Variants in TUBGCP4 observed in about 807,000 individuals in gnomAD.
TUBGCP4 encodes gamma-tubulin complex component 4.
TUBGCP4 carries 54 observed loss-of-function variants against 91.6 expected under a neutral mutation model. The observed-to-expected ratio is 0.59, with a 90% CI of 0.47 to 0.74. The LOEUF (loss-of-function observed/expected upper bound fraction) is 0.74. Among genes scored for constraint, TUBGCP4 ranks in the 30% least tolerant of loss-of-function variants. The pLI is 0.00. For synonymous variants in TUBGCP4, 297 were observed against 302.8 expected (o/e 0.98, Z 0.20); for missense variants, 593 against 800.9 (o/e 0.74, Z 3.13).
rs950648169 is a variant in TUBGCP4 at position 43,409,333 on chromosome 15, A to C, written c.*4119A>C. On this transcript the variant is annotated 3_prime_UTR_variant, in exon 18 of 18. Transcript: ENST00000564079. Reference sequence around the variant, plus strand: ...GGACCTAAATCCTCAACGGACAACCAAAACCTATGAACTCAGCCTTTCAGG... The same window carrying C: ...GGACCTAAATCCTCAACGGACAACCCAAACCTATGAACTCAGCCTTTCAGG... 2 of 585,726 alleles carry C rather than the reference A, an allele frequency of 3.4e-6. No individual in the cohort carries two copies. The highest frequency in any genetic ancestry group is 6.1e-6 in the Non-Finnish European group (2 of 329,468). The allele number at this position is 585,726 out of a possible 1,614,324, so 36.3% of individuals were successfully genotyped here.
rs2044841150 is a variant in TUBGCP4, at chr15:43,405,560, T to C, written c.*346T>C. 1 of 269,950 alleles carries C rather than the reference T, an allele frequency of 3.7e-6. No homozygotes were observed. The highest frequency in any genetic ancestry group is 8.7e-5 in the South Asian group (1 of 11,464). The allele number at this position is 269,950 out of a possible 1,614,324, so 16.7% of individuals were successfully genotyped here. ...GAGATACAGCGGTAAACAAACAATA[T>C]AGAGCAGAAAGTTAAATATTTTATG... On this transcript the variant is annotated 3_prime_UTR_variant, in exon 18 of 18. Transcript: ENST00000564079.
chr15:43,377,611 C>CAAAAAAAAA (rs60932318), intron 4 of TUBGCP4: 11 of 259,550 alleles, frequency 4.2e-5, no homozygotes, highest in East Asian at 2.2e-4. Context: ...GACCCTGTCT[C>CAAAAAAAAA]AAAAAAAAAA....
chr15:43,391,736 TTTTTAA>T, intron 9 of TUBGCP4: 1 of 152,320 alleles, frequency 6.6e-6, no homozygotes, highest in Non-Finnish European at 1.5e-5. Flanking sequence ...GCTTTTTCTT[TTTTTAA>T]TTTTATTTTT....
chr15:43,401,113 C>T (rs766556445), intron 14 of TUBGCP4, among the ~76,000 whole-genome samples: 57 of 152,044 alleles, frequency 3.7e-4, no homozygotes, highest in Non-Finnish European at 7.4e-4. Context: ...CTGTAGGTGA[C>T]CAAGTCAGTC....
At chr15:43,378,125 A>G (rs1180429997) in intron 5 of TUBGCP4, among the ~76,000 whole-genome samples, 1 of 152,174 alleles carries the variant, frequency 6.6e-6, no homozygotes, top group African/African-American at 2.4e-5. Flanking sequence ...AAATGTTCAT[A>G]GATGTTCCCA....
chr15:43,395,158 G>A lies in TUBGCP4; in HGVS notation c.1065+1G>A. 6.2e-7 allele frequency: 1 copy of A among 1,613,942 alleles called. No homozygotes were observed. Reference sequence around the variant, plus strand: ...ATCCGATTTACTGGGTCAGCTGAAGGTAATGGCTTAGCTGTTGTAATTCTT... The same window carrying A: ...ATCCGATTTACTGGGTCAGCTGAAGATAATGGCTTAGCTGTTGTAATTCTT... On this transcript the variant is annotated splice_donor_variant, in intron 10 of 17. Coordinates refer to ENST00000564079, the MANE Select transcript of TUBGCP4 (RefSeq NM_014444.5). LOFTEE classifies it high-confidence loss of function.
At chr15:43,375,795 A>C (rs1190160196) in intron 1 of TUBGCP4, among the ~76,000 whole-genome samples, 1 of 152,202 alleles carries the variant, frequency 6.6e-6, no homozygotes, top group African/African-American at 2.4e-5. Flanking sequence ...CATCCCTAGA[A>C]GATTGCTTAA....
chr15:43,377,801 C>T (rs1318062903), intron 4 of TUBGCP4, 46 bp from the exon 5 acceptor site: 3 of 1,450,554 alleles, frequency 2.1e-6, no homozygotes, highest in Non-Finnish European at 1.9e-6. Context: ...ATTTTTTTTC[C>T]CTTACATTTG....
rs1383291293 is a variant in TUBGCP4 at position 43,406,863 on chromosome 15, G to T, written c.*1649G>T. 2 of 307,500 alleles carry T rather than the reference G, an allele frequency of 6.5e-6. No homozygotes were observed. The highest frequency in any genetic ancestry group is 1.3e-5 in the Non-Finnish European group (2 of 157,344). 19.0% of individuals were successfully genotyped at this position (307,500 alleles called of 1,614,324 possible). A position where few individuals can be genotyped will look rare whatever the true frequency, so the allele number is the denominator to read the frequency against. On this transcript the variant is annotated 3_prime_UTR_variant, in exon 18 of 18. Coordinates refer to ENST00000564079, the MANE Select transcript of TUBGCP4 (RefSeq NM_014444.5). ...TTTCGTTCTCCCTTTAGCTCTAAGA[G>T]TTGGGGAGTACCCACAGGTGAGCTG...
Position 43,408,812 on chromosome 15 carries a change from C to T in TUBGCP4, c.*3598C>T. 7.3e-7 allele frequency: 1 copy of T among 1,368,368 alleles called. No individual in the cohort carries two copies. The highest frequency in any genetic ancestry group is 1.0e-6 in the Non-Finnish European group (1 of 970,274). The allele number at this position is 1,368,368 out of a possible 1,614,324, so 84.8% of individuals were successfully genotyped here. A position where few individuals can be genotyped will look rare whatever the true frequency, so the allele number is the denominator to read the frequency against. ...CACAGACATTCCAATTTCTAGAAAGCTTTACTCTCTCACCTAGATTCTCTT... is the reference window on the plus strand; with the variant it reads ...CACAGACATTCCAATTTCTAGAAAGTTTTACTCTCTCACCTAGATTCTCTT... On this transcript the variant is annotated 3_prime_UTR_variant, in exon 18 of 18. Transcript: ENST00000564079.
In TUBGCP4 at chr15:43,385,823, A is replaced by C. The variant is rs780395127; in HGVS notation, c.756A>C (p.Pro252=). The change falls in exon 8 of 18, where the codon CCA becomes CCC. Residue 252 remains proline, a synonymous_variant. Coordinates refer to ENST00000564079, the MANE Select transcript of TUBGCP4 (RefSeq NM_014444.5). The stretch of plus-strand genomic sequence containing the variant: ...TTGAGGAAGAGAACATGCTGGCACC[A>C]TCTCTGAAGCAGTTTTCCCTACGAG... ...RLIEEENMLA[P]SLKQFSLRVE... 6.2e-7 allele frequency: 1 copy of C among 1,614,158 alleles called. No individual in the cohort carries two copies. The highest frequency in any genetic ancestry group is 1.7e-5 in the Admixed American group (1 of 60,018).
intron 5 of TUBGCP4, 50 bp from the exon 6 acceptor site, chr15:43,380,034 C>T (rs1484048750): frequency 6.4e-7 from 1 of 1,554,478 alleles, no homozygotes; most frequent in Non-Finnish European, 8.9e-7. Context: ...ATGTGTCTTG[C>T]ATGGACTCTT....
chr15:43,391,113 A>C (rs2044460893), intron 9 of TUBGCP4, among the ~76,000 whole-genome samples: 1 of 151,544 alleles, frequency 6.6e-6, no homozygotes, highest in South Asian at 2.1e-4. Context: ...GCAGCCTCCA[A>C]TTCCTGGGCT....
chr15:43,379,100 G>A (rs2044249004), intron 5 of TUBGCP4, among the ~76,000 whole-genome samples: 2 of 152,218 alleles, frequency 1.3e-5, no homozygotes, highest in Admixed American at 6.5e-5. Context: ...TGCCAGAATA[G>A]TGGTAGAGAA....
intron 1 of TUBGCP4, among the ~76,000 whole-genome samples, chr15:43,375,182 C>A (rs117282939): frequency 6.6e-6 from 1 of 152,192 alleles, no homozygotes; most frequent in Non-Finnish European, 1.5e-5. Flanking sequence ...GGATTACAGG[C>A]GTGAGCAATT....
In TUBGCP4 at chr15:43,404,436, C is replaced by A; in HGVS notation, c.1872C>A (p.Leu624=). 6.2e-7 allele frequency: 1 copy of A among 1,614,180 alleles called. No homozygotes were observed. Among genetic ancestry groups the A allele is most frequent in the Non-Finnish European group, 8.5e-7 (1 of 1,180,034 alleles). ...AGGGCTTTAGCCGCCAGTCTTCACT[C>A]CTGTTCAAGATTCTCTCCAGTGTTC... ...LVKGFSRQSS[L]LFKILSSVRN... The change falls in exon 17 of 18, where the codon CTC becomes CTA. Residue 624 remains leucine, a synonymous_variant. Coordinates refer to ENST00000564079, the MANE Select transcript of TUBGCP4 (RefSeq NM_014444.5).
intron 7 of TUBGCP4, among the ~76,000 whole-genome samples, chr15:43,384,360 A>C (rs750554530): frequency 6.6e-6 from 1 of 152,200 alleles, no homozygotes; most frequent in Non-Finnish European, 1.5e-5. Flanking sequence ...GAAAAGACTA[A>C]ATATGGGTAT....
At position 43,393,212 on chromosome 15, in the gene TUBGCP4, CTT is replaced by C. The variant is rs35647356; in HGVS notation, c.1015-1880_1015-1879del. ...AAATATTTGGGTGGCTTCCCAATGT[CTT>C]TTTTTTTTTTTTTTAAGACGGAGTC... On this transcript the variant is annotated intron_variant, in intron 9 of 17. Coordinates refer to ENST00000564079, the MANE Select transcript of TUBGCP4 (RefSeq NM_014444.5). Among the ~76,000 whole-genome samples the C allele has an allele frequency of 9.7e-3, 1,352 of 139,146 alleles. 22 individuals are homozygous for C. The highest frequency in any genetic ancestry group is 0.03 in the African/African-American group (1,127 of 38,148). The allele number at this position is 139,146 out of a possible 152,430, so 91.3% of individuals were successfully genotyped here. A position where few individuals can be genotyped will look rare whatever the true frequency, so the allele number is the denominator to read the frequency against.
chr15:43,401,088 A>G (rs1044785911), intron 14 of TUBGCP4, among the ~76,000 whole-genome samples: 2 of 152,104 alleles, frequency 1.3e-5, no homozygotes, highest in African/African-American at 4.8e-5. Context: ...ATTGTTTGCT[A>G]TAACTTCTGG....
Sources: allele counts gnomAD v4.1 joint callset (sites outside exome capture counted in the v4.1 genomes callset), GRCh38; gene constraint gnomAD v4.1.1; transcripts MANE v1.5; gene names NCBI Gene and HGNC (gene_info 2026-07-23, HGNC 2026-07-21).